YAP1: variants seen among roughly 807,000 people sequenced by gnomAD.
YAP1 encodes the protein Yes1 associated transcriptional regulator, also known as transcriptional coactivator YAP1.
YAP1 carries 5 observed loss-of-function variants against 56.9 expected under a neutral mutation model. That is an observed-to-expected ratio of 0.09 (90% CI 0.05 to 0.18). YAP1 has a LOEUF of 0.18. YAP1 is among the 10% of genes least tolerant of loss of function. The pLI, the probability that YAP1 is intolerant of heterozygous loss-of-function variation, is 1.00. For synonymous variants in YAP1, 265 were observed against 248.1 expected, an observed-to-expected ratio of 1.07 and a Z score of -0.64; for missense variants, 539 against 651.8, an observed-to-expected ratio of 0.83 and a Z score of 1.88.
intron 2 of YAP1, among the ~76,000 whole-genome samples, chr11:102,140,234 C>G (rs1160236727): frequency 1.3e-5 from 2 of 151,190 alleles, no homozygotes; most frequent in Non-Finnish European, 2.9e-5. Flanking sequence ...GGAAAAAATT[C>G]AATTTCAAGG....
intron 3 of YAP1, among the ~76,000 whole-genome samples, chr11:102,180,440 T>A (rs987302753): frequency 3.3e-5 from 5 of 151,772 alleles, no homozygotes; most frequent in Non-Finnish European, 5.9e-5. Context: ...CCCAGCACTT[T>A]GGGAGGCCGA....
intron 4 of YAP1, among the ~76,000 whole-genome samples, chr11:102,188,646 A>G (rs1049889346): frequency 8.8e-6 from 1 of 113,638 alleles, no homozygotes; most frequent in Non-Finnish European, 2.2e-5. Flanking sequence ...GCACACTAAC[A>G]GGCTGTACAG....
intron 7 of YAP1, among the ~76,000 whole-genome samples, chr11:102,226,337 A>G (rs544546888): frequency 2.0e-5 from 3 of 152,352 alleles, no homozygotes; most frequent in Non-Finnish European, 4.4e-5. Flanking sequence ...GGGGAGAGAG[A>G]GAACAAGGCA....
In YAP1 at chr11:102,216,715, A is replaced by G. The variant is rs146615503; in HGVS notation, c.1033-6907A>G. On this transcript the variant is annotated intron_variant, in intron 6 of 8. Transcript: ENST00000282441. Reference sequence around the variant, plus strand: ...TTTGGATTATTTTATCCTGAACACAATGCCTAAAATTAGAATACTGGACTA... The same window carrying G: ...TTTGGATTATTTTATCCTGAACACAGTGCCTAAAATTAGAATACTGGACTA... Among the ~76,000 whole-genome samples, 1,045 of 152,330 alleles carry G rather than the reference A, an allele frequency of 6.9e-3. 16 individuals are homozygous for G. The highest frequency in any genetic ancestry group is 0.024 in the African/African-American group (986 of 41,570).
At chr11:102,203,397 A>C (rs1948973436) in intron 4 of YAP1, among the ~76,000 whole-genome samples, 1 of 152,230 alleles carries the variant, frequency 6.6e-6, no homozygotes. Context: ...GACTTTTGAT[A>C]ATATTAAGGA....
At chr11:102,175,584 G>A (rs1264304478) in intron 3 of YAP1, among the ~76,000 whole-genome samples, 1 of 152,078 alleles carries the variant, frequency 6.6e-6, no homozygotes, top group African/African-American at 2.4e-5. Context: ...TTTCATAATT[G>A]TATAAATATC....
chr11:102,177,395 A>G (rs757207077), intron 3 of YAP1, among the ~76,000 whole-genome samples: 16 of 152,172 alleles, frequency 1.1e-4, no homozygotes, highest in Non-Finnish European at 1.9e-4. Context: ...TTGGAGTTGA[A>G]TAAGACCAAT....
chr11:102,133,722 A>G (rs979203401), intron 2 of YAP1, among the ~76,000 whole-genome samples: 1 of 152,132 alleles, frequency 6.6e-6, no homozygotes, highest in African/African-American at 2.4e-5. Context: ...TAAGATTTCA[A>G]CTCTGCTGTT....
At chr11:102,223,530 A>G (rs1374494917) in intron 6 of YAP1, 92 bp from the exon 7 acceptor site, 7 of 1,375,468 alleles carry the variant, frequency 5.1e-6, no homozygotes, top group Non-Finnish European at 6.9e-6. Flanking sequence ...ATCTATCTGC[A>G]CGGTTACTCT....
chr11:102,128,617 T>G (rs973179365), intron 2 of YAP1, among the ~76,000 whole-genome samples: 3 of 152,222 alleles, frequency 2.0e-5, no homozygotes, highest in Non-Finnish European at 2.9e-5. Flanking sequence ...ATATTTGTCC[T>G]TATCAGTATC....
At position 102,110,906 on chromosome 11, in the gene YAP1, C is replaced by G; in HGVS notation, c.58C>G (p.Pro20Ala). The change falls in exon 1 of 9, where the codon CCT becomes GCT. Residue 20 changes from proline to alanine, a missense_variant. Physicochemically the swap from Pro to Ala is conservative, Grantham distance 27 (BLOSUM62 -1). Transcript: ENST00000282441. ...GGCCCCCCAGGGCCAAGGGCAGCCG[C>G]CTTCGCAGCCCCCGCAGGGGCAGGG... ...QPAPQGQGQP[P>A]SQPPQGQGPP... is the part of the protein sequence containing the mutation. The G allele has an allele frequency of 7.0e-7, 1 of 1,434,672 alleles. No homozygotes were observed. 88.9% of individuals were successfully genotyped at this position (1,434,672 alleles called of 1,614,324 possible).
intron 2 of YAP1, among the ~76,000 whole-genome samples, chr11:102,149,661 A>G (rs1056505802): frequency 2.0e-5 from 3 of 152,324 alleles, no homozygotes; most frequent in Admixed American, 2.0e-4. Context: ...AAATAACTTA[A>G]TATTGCTTTT....
intron 3 of YAP1, among the ~76,000 whole-genome samples, chr11:102,171,539 C>T (rs997290196): frequency 1.2e-4 from 18 of 152,066 alleles, no homozygotes; most frequent in East Asian, 5.8e-4. Flanking sequence ...GTTTTTCCTT[C>T]GGCAAAACTT....
At chr11:102,169,540 G>A (rs1009013570) in intron 3 of YAP1, among the ~76,000 whole-genome samples, 2 of 152,136 alleles carry the variant, frequency 1.3e-5, no homozygotes, top group Admixed American at 6.5e-5. Context: ...CTATAACAAA[G>A]CCCAAAGTCA....
chr11:102,223,593 T>G, intron 6 of YAP1, 29 bp from the exon 7 acceptor site: 1 of 1,608,356 alleles, frequency 6.2e-7, no homozygotes, highest in Non-Finnish European at 8.5e-7. Context: ...ATCAGTAGAT[T>G]GATTCTCTTT....
At chr11:102,151,661 G>A (rs562961582) in intron 2 of YAP1, among the ~76,000 whole-genome samples, 1 of 152,294 alleles carries the variant, frequency 6.6e-6, no homozygotes, top group East Asian at 1.9e-4. Flanking sequence ...GATGTCAGCA[G>A]TACTTGGCAC....
intron 2 of YAP1, among the ~76,000 whole-genome samples, chr11:102,141,662 C>T: frequency 6.6e-6 from 1 of 152,112 alleles, no homozygotes; most frequent in Non-Finnish European, 1.5e-5. Flanking sequence ...GTTGACTTTG[C>T]TTTATCTGTC....
intron 4 of YAP1, among the ~76,000 whole-genome samples, chr11:102,199,962 TA>T (rs1319840189): frequency 1.3e-5 from 2 of 152,210 alleles, no homozygotes; most frequent in Non-Finnish European, 2.9e-5. Context: ...TCAATGCAAC[TA>T]AATTTAAACT....
intron 2 of YAP1, among the ~76,000 whole-genome samples, chr11:102,129,062 A>G (rs1043646607): frequency 6.6e-6 from 1 of 152,060 alleles, no homozygotes; most frequent in Non-Finnish European, 1.5e-5. Context: ...AAAAATGTTT[A>G]TATCTAAATT....
Sources: gnomAD v4.1 joint callset for allele counts (sites outside exome capture counted in the v4.1 genomes callset) on GRCh38, gnomAD v4.1.1 for gene constraint, MANE v1.5 for transcripts, NCBI Gene and HGNC (gene_info 2026-07-23, HGNC 2026-07-21) for gene names.